The following CLCF1 variants were observed in gnomAD, a reference collection of about 807,000 sequenced individuals.
The protein encoded by CLCF1 is cardiotrophin-like cytokine factor 1.
CLCF1 carries 10 observed loss-of-function variants against 21.2 expected under a neutral mutation model. That is an observed-to-expected ratio of 0.47 (90% CI 0.29 to 0.80). CLCF1 has a LOEUF of 0.80. CLCF1 is among the 30% of genes least tolerant of loss of function. The pLI is 0.09. For missense variants in CLCF1, 240 were observed against 293.4 expected, an observed-to-expected ratio of 0.82 and a Z score of 1.33; for synonymous variants, 115 against 120.5, an observed-to-expected ratio of 0.95 and a Z score of 0.30.
chr11:67,365,215 T>C lies in CLCF1; in HGVS notation c.599A>G (p.Lys200Arg). 1 of 1,614,026 alleles carries C rather than the reference T, an allele frequency of 6.2e-7. No individual in the cohort carries two copies. Among genetic ancestry groups the C allele is most frequent in the Non-Finnish European group, 8.5e-7 (1 of 1,180,026 alleles). ...ELQTWLWRSA[K>R]DFNRLKKKMQ... ...CTTCTTCTTGAGCCGGTTGAAGTCC[T>C]TGGCCGAGCGCCACAGCCAGGTCTG... The change falls in exon 3 of 3, where the codon AAG becomes AGG. Residue 200 changes from lysine (K) to arginine (R), a missense_variant. By Grantham distance (26) the Lys-to-Arg change is conservative. Coordinates refer to ENST00000312438, the MANE Select transcript of CLCF1 (RefSeq NM_013246.3). This position sits in a 1 kb window ranked among gnomAD's most constrained non-coding sequence, Gnocchi z 5.0.
rs1862074779 is a variant in CLCF1 at position 67,365,424 on chromosome 11, G to A, written c.390C>T (p.Arg130=). The A allele has an allele frequency of 3.1e-6, 5 of 1,613,710 alleles. No homozygotes were observed. The highest frequency in any genetic ancestry group is 4.2e-6 in the Non-Finnish European group (5 of 1,179,858). ...LNRQAATAEL[R]RSLAHFCTSL... is the part of the protein sequence containing the mutation. ...TGGTGCAGAAGTGGGCCAGGCTGCG[G>A]CGCAGCTCAGCAGTGGCAGCCTGAC... The change falls in exon 3 of 3, where the codon CGC becomes CGT. Residue 130 remains arginine (R), a synonymous_variant. Transcript: ENST00000312438. The surrounding 1 kb of genome is among the most constrained non-coding windows in gnomAD (Gnocchi z 5.0).
At chr11:67,368,912 CTTTTTTTTTTT>C (rs10666079) in intron 1 of CLCF1, 4 of 684,056 alleles carry the variant, frequency 5.8e-6, no homozygotes, top group African/African-American at 2.6e-5. Flanking sequence ...TTTTTTTTTC[CTTTTTTTTTTT>C]TTTTTTTGCT....
upstream of CLCF1, chr11:67,374,028 G>T: frequency 1.0e-6 from 1 of 988,690 alleles, no homozygotes; most frequent in African/African-American, 1.7e-5. Context: ...GCCGATGCGG[G>T]GTCCCTGATC....
intron 1 of CLCF1, chr11:67,370,121 G>T (rs1015247579): frequency 4.1e-6 from 4 of 985,294 alleles, no homozygotes; most frequent in Non-Finnish European, 4.8e-6. Context: ...AAAGAAAGGG[G>T]GGGTAGAAGG....
chr11:67,365,472 CAG>C lies in CLCF1; in HGVS notation c.340_341del (p.Leu114ValfsTer14). ...TQNYEAYSHLLCYLRGLNRQA... is the reference protein window; with the variant it reads ...TQNYEAYSHLXCYLRGLNRQA... ...GACGGTTGAGGCCACGCAAGTAACA[CAG>C]AAGGTGGCTGTAGGCCTCGTAGTTC... On this transcript the variant is annotated frameshift_variant, in exon 3 of 3. Transcript: ENST00000312438. LOFTEE classifies it high-confidence loss of function. The surrounding 1 kb of genome is among the most constrained non-coding windows in gnomAD (Gnocchi z 5.0). 1 of 1,614,096 alleles carries C rather than the reference CAG, an allele frequency of 6.2e-7. No homozygotes were observed. The highest frequency in any genetic ancestry group is 1.3e-5 in the African/African-American group (1 of 75,074).
chr11:67,366,067 G>A (rs1359890669), intron 2 of CLCF1, among the ~76,000 whole-genome samples: 2 of 152,220 alleles, frequency 1.3e-5, no homozygotes, highest in African/African-American at 4.8e-5. Context: ...CAGCAGTGTG[G>A]CTGCAAAACA....
At chr11:67,368,237 T>C (rs1862158335) in intron 1 of CLCF1, 17 of 985,230 alleles carry the variant, frequency 1.7e-5, no homozygotes, top group Non-Finnish European at 1.8e-5. Flanking sequence ...AGGATGTGAT[T>C]CCTGAGTGTG....
Position 67,365,371 on chromosome 11 carries a change from G to A in CLCF1, c.443C>T (p.Ala148Val), listed in dbSNP as rs750832975. The change falls in exon 3 of 3, where the codon GCG becomes GTG. Residue 148 changes from alanine (A) to valine (V), a missense_variant. Ala to Val is a moderately conservative substitution (Grantham distance 64, BLOSUM62 0). Transcript: ENST00000312438. The surrounding 1 kb of genome is among the most constrained non-coding windows in gnomAD (Gnocchi z 5.0). ...TSLQGLLGSI[A>V]GVMAALGYPL... ...GTAGCCCAGAGCTGCCATGACGCCC[G>A]CAATGCTGCCCAGCAGGCCCTGGAG... 6 of 1,612,814 alleles carry A rather than the reference G, an allele frequency of 3.7e-6. No homozygotes were observed. Among genetic ancestry groups the A allele is most frequent in the African/African-American group, 1.3e-5 (1 of 75,062 alleles).
intron 1 of CLCF1, chr11:67,368,694 G>A (rs1395061284): frequency 1.0e-6 from 1 of 985,306 alleles, no homozygotes; most frequent in Non-Finnish European, 1.2e-6. Context: ...GTTTAGACTT[G>A]GGATTTGGTT....
At chr11:67,366,302 G>A (rs568915059) in intron 2 of CLCF1, among the ~76,000 whole-genome samples, 1 of 152,296 alleles carries the variant, frequency 6.6e-6, no homozygotes, top group South Asian at 2.1e-4. Context: ...GGGCAGTGGA[G>A]TGAAGCAAAG....
chr11:67,368,587 G>T (rs1862165319), intron 1 of CLCF1: 1 of 985,306 alleles, frequency 1.0e-6, no homozygotes, highest in African/African-American at 1.7e-5. Flanking sequence ...GGACACTTTG[G>T]ACTGGCAAAG....
chr11:67,371,383 C>T (rs1001550263), intron 1 of CLCF1, among the ~76,000 whole-genome samples: 1 of 152,168 alleles, frequency 6.6e-6, no homozygotes, highest in African/African-American at 2.4e-5. Context: ...AAGCTCAATT[C>T]CTCCTAGAGG....
chr11:67,365,423 G>C lies in CLCF1; in HGVS notation c.391C>G (p.Arg131Gly), dbSNP rs140020543. The C allele has an allele frequency of 6.2e-7, 1 of 1,613,682 alleles. No homozygotes were observed. The highest frequency in any genetic ancestry group is 8.5e-7 in the Non-Finnish European group (1 of 1,179,846). Residue 131 changes from arginine to glycine, a missense_variant, in exon 3 of 3, where the codon CGC becomes GGC. Coordinates refer to ENST00000312438, the MANE Select transcript of CLCF1 (RefSeq NM_013246.3). The surrounding 1 kb of genome is among the most constrained non-coding windows in gnomAD (Gnocchi z 5.0). ...CTGGTGCAGAAGTGGGCCAGGCTGC[G>C]GCGCAGCTCAGCAGTGGCAGCCTGA... ...NRQAATAELRRSLAHFCTSLQ... is the reference protein window; with the variant it reads ...NRQAATAELRGSLAHFCTSLQ...
Position 67,365,003 on chromosome 11 carries a change from C to T in CLCF1, c.*133G>A. On this transcript the variant is annotated 3_prime_UTR_variant, in exon 3 of 3. Transcript: ENST00000312438. This position sits in a 1 kb window ranked among gnomAD's most constrained non-coding sequence, Gnocchi z 5.0. Reference sequence around the variant, plus strand: ...GAGACAGGGCTGATCGCATCACACGCCCAGCCGGTCCAGGAAAGGGCCAGA... The same window carrying T: ...GAGACAGGGCTGATCGCATCACACGTCCAGCCGGTCCAGGAAAGGGCCAGA... 3 of 1,477,754 alleles carry T rather than the reference C, an allele frequency of 2.0e-6. No individual in the cohort carries two copies. Among genetic ancestry groups the T allele is most frequent in the Middle Eastern group, 4.7e-4 (2 of 4,286 alleles). The allele number at this position is 1,477,754 out of a possible 1,614,324, so 91.5% of individuals were successfully genotyped here.
rs979639960 is a variant in CLCF1 at position 67,365,555 on chromosome 11, C to G, written c.259G>C (p.Ala87Pro). ...CGCCACACCTCCAAGTCAACAGTGG[C>G]CCTGGGCAGAGTCTCTGCCCCCAGG... ...PRLGAETLPRATVDLEVWRSL... is the reference protein window; with the variant it reads ...PRLGAETLPRPTVDLEVWRSL... Residue 87 changes from alanine (A) to proline (P), a missense_variant, in exon 3 of 3, where the codon GCC (alanine) becomes CCC (proline). Transcript: ENST00000312438. The surrounding 1 kb of genome is among the most constrained non-coding windows in gnomAD (Gnocchi z 5.0). 6.2e-7 allele frequency: 1 copy of G among 1,613,858 alleles called. No individual in the cohort carries two copies. The highest frequency in any genetic ancestry group is 8.5e-7 in the Non-Finnish European group (1 of 1,179,850).
chr11:67,367,545 TC>T lies in CLCF1; in HGVS notation c.97del (p.Asp33ThrfsTer30), dbSNP rs1360885744. 1 of 1,612,884 alleles carries T rather than the reference TC, an allele frequency of 6.2e-7. No individual in the cohort carries two copies. The highest frequency in any genetic ancestry group is 1.3e-5 in the African/African-American group (1 of 74,688). ...PAVPALNRTG[D>X]PGPGPSIQKT... is the part of the protein sequence containing the mutation. ...CTGGATGGAGGGGCCAGGCCCTGGG[TC>T]CCCTGTGCGATTGAGAGCTGGCACT... On this transcript the variant is annotated frameshift_variant, in exon 2 of 3. Coordinates refer to ENST00000312438, the MANE Select transcript of CLCF1 (RefSeq NM_013246.3). LOFTEE classifies it high-confidence loss of function.
chr11:67,365,205 G>A lies in CLCF1; in HGVS notation c.609C>T (p.Asn203=), dbSNP rs771960988. The stretch of plus-strand genomic sequence containing the variant: ...GAGGCTGCATCTTCTTCTTGAGCCG[G>A]TTGAAGTCCTTGGCCGAGCGCCACA... ...TWLWRSAKDF[N]RLKKKMQPPA... is the part of the protein sequence containing the mutation. Residue 203 remains asparagine, a synonymous_variant, in exon 3 of 3, where the codon AAC becomes AAT. Coordinates refer to ENST00000312438, the MANE Select transcript of CLCF1 (RefSeq NM_013246.3). The surrounding 1 kb of genome is among the most constrained non-coding windows in gnomAD (Gnocchi z 5.0). The A allele has an allele frequency of 1.2e-6, 2 of 1,614,052 alleles. No homozygotes were observed. Among genetic ancestry groups the A allele is most frequent in the Non-Finnish European group, 1.7e-6 (2 of 1,180,034 alleles).
chr11:67,373,354 G>A (rs1469679627), intron 1 of CLCF1, among the ~76,000 whole-genome samples, 170 bp downstream of exon 1: 2 of 151,192 alleles, frequency 1.3e-5, no homozygotes, highest in African/African-American at 4.9e-5. Flanking sequence ...GGAATGCCGC[G>A]TCCCCGCCCG....
chr11:67,368,014 T>C (rs1021190830), intron 1 of CLCF1: 1 of 963,180 alleles, frequency 1.0e-6, no homozygotes, highest in African/African-American at 2.7e-5. Flanking sequence ...GTACCCTAGC[T>C]TCCTGCCAGT....
Sources: gnomAD v4.1 joint callset for allele counts (sites outside exome capture counted in the v4.1 genomes callset) on GRCh38, gnomAD v4.1.1 for gene constraint, Gnocchi (gnomAD v3.1) non-coding constraint, MANE v1.5 for transcripts, NCBI Gene and HGNC (gene_info 2026-07-23, HGNC 2026-07-21) for gene names.